The following LRP2 variants were observed in gnomAD, a reference collection of about 807,000 sequenced individuals.
LRP2 encodes LDL receptor related protein 2.
Under a neutral mutation model 531.0 loss-of-function variants are expected in LRP2, and 172 were observed. The ratio of observed to expected loss-of-function variants is 0.32; its 90% CI spans 0.29 to 0.37. LRP2 has a LOEUF of 0.37. LRP2 is among the 10% of genes least tolerant of loss of function. The pLI is 1.00. For missense variants in LRP2, 5,167 were observed against 5,868.3 expected, an observed-to-expected ratio of 0.88 and a Z score of 3.90; for synonymous variants, 1,992 against 2,027.6, an observed-to-expected ratio of 0.98 and a Z score of 0.47.
intron 65 of LRP2, among the ~76,000 whole-genome samples, chr2:169,155,182 A>G (rs1177062079): frequency 6.6e-6 from 1 of 152,184 alleles, no homozygotes; most frequent in Non-Finnish European, 1.5e-5. Flanking sequence ...CCCAAGATGC[A>G]CTGTCTAGAA....
In LRP2 at chr2:169,239,573, A is replaced by T; in HGVS notation, c.4248T>A (p.Asp1416Glu). 1 of 1,614,126 alleles carries T rather than the reference A, an allele frequency of 6.2e-7. No homozygotes were observed. Among genetic ancestry groups the T allele is most frequent in the Non-Finnish European group, 8.5e-7 (1 of 1,179,958 alleles). ...CATCACTTTCTAACATGTAGCCTGT[A>T]TCACACGAGCACCGGAAAGAACCTC... ...NMRGSFRCSCDTGYMLESDGR... is the reference protein window; with the variant it reads ...NMRGSFRCSCETGYMLESDGR... The change falls in exon 26 of 79, where the codon GAT (aspartate) becomes GAA (glutamate). Residue 1416 changes from aspartate to glutamate, a missense_variant. Around this residue, in one of 6 missense-constraint regions of LRP2, gnomAD observed 2,811 missense variants for 3,058.0 expected, o/e 0.92. Coordinates refer to ENST00000649046, the MANE Select transcript of LRP2 (RefSeq NM_004525.3).
chr2:169,237,962 T>C (rs1689665288), intron 27 of LRP2, 129 bp downstream of exon 27: 1 of 774,494 alleles, frequency 1.3e-6, no homozygotes, highest in Non-Finnish European at 2.3e-6. Context: ...CTCTTGGGTA[T>C]GATGTGGCCC....
In LRP2 at chr2:169,299,232, G is replaced by A. The variant is rs142586169; in HGVS notation, c.428-4522C>T. Among the ~76,000 whole-genome samples, 63 of 152,042 alleles carry A rather than the reference G, an allele frequency of 4.1e-4. 1 individual carries two copies. The South Asian group carries it at 6.7e-3, about 16-fold the overall frequency. ...AAGAGAAAGAAAATATGGTCATCCC[G>A]AGGACTTGTAGAATTGAACTAACAT... On this transcript the variant is annotated intron_variant, in intron 4 of 78. Coordinates refer to ENST00000649046, the MANE Select transcript of LRP2 (RefSeq NM_004525.3).
Position 169,210,751 on chromosome 2 carries a change from C to T in LRP2, c.6281-1110G>A, listed in dbSNP as rs117703285. The stretch of plus-strand genomic sequence containing the variant: ...CAGCTATATATAAAATATTGTGAGG[C>T]CAACTGGAGAAATATGATTATGAAT... On this transcript the variant is annotated intron_variant, in intron 37 of 78. Coordinates refer to ENST00000649046, the MANE Select transcript of LRP2 (RefSeq NM_004525.3). 5.1e-4 allele frequency among the ~76,000 whole-genome samples: 77 copies of T among 152,148 alleles called. 1 individual carries two copies. The East Asian group carries it at 0.011, about 23-fold the overall frequency.
intron 13 of LRP2, 107 bp from the exon 14 acceptor site, chr2:169,275,345 G>A (rs1040882189): frequency 1.0e-4 from 87 of 830,626 alleles, no homozygotes; most frequent in Non-Finnish European, 4.0e-6. Flanking sequence ...ATAATTTCTT[G>A]TCACAAATAC....
intron 37 of LRP2, 88 bp downstream of exon 37, chr2:169,211,880 C>T (rs1388272285): frequency 6.5e-7 from 1 of 1,529,304 alleles, no homozygotes. Flanking sequence ...GCACTGAATC[C>T]ACACATGAAG....
intron 4 of LRP2, 75 bp downstream of exon 4, chr2:169,307,206 A>C (rs1684443179): frequency 1.3e-5 from 13 of 991,170 alleles, no homozygotes; most frequent in Non-Finnish European, 1.5e-5. Flanking sequence ...CCATCAACAA[A>C]TCTAACAAAT....
intron 63 of LRP2, among the ~76,000 whole-genome samples, chr2:169,159,465 G>A (rs1310373242): frequency 6.6e-6 from 1 of 152,148 alleles, no homozygotes; most frequent in Non-Finnish European, 1.5e-5. Flanking sequence ...TTGGAGTGCA[G>A]ACTTCAAAGC....
At chr2:169,162,365 G>A (rs1686619415) in intron 63 of LRP2, 107 bp downstream of exon 63, 2 of 1,330,932 alleles carry the variant, frequency 1.5e-6, no homozygotes, top group Non-Finnish European at 2.1e-6. Context: ...CAAGCAAAAA[G>A]TACATTAAGG....
intron 28 of LRP2, 31 bp from the exon 29 acceptor site, chr2:169,236,099 G>T: frequency 6.9e-7 from 1 of 1,458,942 alleles, no homozygotes; most frequent in Non-Finnish European, 9.5e-7. Flanking sequence ...CCAATTGGAG[G>T]GGACGTATTT....
rs190683012 is a variant in LRP2, at chr2:169,234,101, A to T, written c.4921-513T>A. Reference sequence around the variant, plus strand: ...AAGTCACAGCAACTATACAATAGCAATTTTTTCTCTTTTTTAAATTGTTTT... The same window carrying T: ...AAGTCACAGCAACTATACAATAGCATTTTTTTCTCTTTTTTAAATTGTTTT... On this transcript the variant is annotated intron_variant, in intron 29 of 78. Coordinates refer to ENST00000649046, the MANE Select transcript of LRP2 (RefSeq NM_004525.3). 3.8e-3 allele frequency among the ~76,000 whole-genome samples: 574 copies of T among 152,058 alleles called. 13 individuals are homozygous for T. The highest frequency in any genetic ancestry group is 6.3e-4 in the Non-Finnish European group (43 of 67,964).
At position 169,169,688 on chromosome 2, in the gene LRP2, G is replaced by A. The variant is rs1686921989; in HGVS notation, c.11497+14C>T. On this transcript the variant is annotated intron_variant, in intron 60 of 78. Coordinates refer to ENST00000649046, the MANE Select transcript of LRP2 (RefSeq NM_004525.3). ...CTCAGGTAAGCAGTACTACATATGT[G>A]TCTAGGGACTTACGACAATCAGCTT... 6.2e-7 allele frequency: 1 copy of A among 1,604,354 alleles called. No homozygotes were observed. The highest frequency in any genetic ancestry group is 2.2e-5 in the East Asian group (1 of 44,828).
At chr2:169,230,692 A>G (rs868629113) in intron 31 of LRP2, among the ~76,000 whole-genome samples, 3 of 152,218 alleles carry the variant, frequency 2.0e-5, no homozygotes, top group Non-Finnish European at 2.9e-5. Context: ...GCAATAAGGA[A>G]TTATATTTTT....
Position 169,140,509 on chromosome 2 carries a change from C to T in LRP2, c.13145G>A (p.Arg4382Lys). The T allele has an allele frequency of 1.9e-6, 3 of 1,614,032 alleles. No homozygotes were observed. Among genetic ancestry groups the T allele is most frequent in the Non-Finnish European group, 2.5e-6 (3 of 1,179,940 alleles). Residue 4382 changes from arginine (R) to lysine (K), a missense_variant, in exon 72 of 79, where the codon AGG (arginine) becomes AAG (lysine). This residue lies in a region of LRP2 where 348 missense variants were observed against 369.3 expected (regional missense o/e 0.94). Coordinates refer to ENST00000649046, the MANE Select transcript of LRP2 (RefSeq NM_004525.3). ...ELPINLPPPC[R>K]CMHGGNCYFD... ...ATAGCAATTTCCTCCGTGCATGCAC[C>T]TGCATGGGGGGGGCAGGTTGATAGG...
Position 169,258,943 on chromosome 2 carries a change from C to A in LRP2, c.2513+82G>T, listed in dbSNP as rs533636242. 4.9e-6 allele frequency: 6 copies of A among 1,213,126 alleles called. No homozygotes were observed. The Admixed American group carries it at 8.4e-5, about 17-fold the overall frequency. 75.1% of individuals were successfully genotyped at this position (1,213,126 alleles called of 1,614,324 possible). A position where few individuals can be genotyped will look rare whatever the true frequency, so the allele number is the denominator to read the frequency against. ...TTCAATCTTATATTTGCTGAACTTACCTAAATCCCTAGGGCATCACTTTTC... is the reference window on the plus strand; with the variant it reads ...TTCAATCTTATATTTGCTGAACTTAACTAAATCCCTAGGGCATCACTTTTC... On this transcript the variant is annotated intron_variant, in intron 17 of 78. Coordinates refer to ENST00000649046, the MANE Select transcript of LRP2 (RefSeq NM_004525.3).
intron 44 of LRP2, among the ~76,000 whole-genome samples, chr2:169,199,977 GCA>G (rs1688140339): frequency 2.6e-5 from 4 of 152,298 alleles, no homozygotes; most frequent in South Asian, 2.1e-4. Context: ...CTGGCCGGGT[GCA>G]GTGGCTCACG....
intron 1 of LRP2, among the ~76,000 whole-genome samples, chr2:169,347,553 G>C (rs1215179869): frequency 1.3e-5 from 2 of 151,542 alleles, no homozygotes; most frequent in South Asian, 2.1e-4. Flanking sequence ...ATTAGGTAAG[G>C]GTCCTTTGAA....
chr2:169,239,447 T>G, intron 26 of LRP2, 80 bp downstream of exon 26: 1 of 1,611,526 alleles, frequency 6.2e-7, no homozygotes, highest in Non-Finnish European at 8.5e-7. Context: ...TAATCAACAT[T>G]GTCAAATACC....
chr2:169,295,924 T>C (rs1482703508), intron 4 of LRP2, among the ~76,000 whole-genome samples: 1 of 152,196 alleles, frequency 6.6e-6, no homozygotes, highest in East Asian at 1.9e-4. Context: ...GATTTCTTTT[T>C]AACCAAGGAA....
Sources: allele counts gnomAD v4.1 joint callset (sites outside exome capture counted in the v4.1 genomes callset), GRCh38; gene constraint gnomAD v4.1.1; regional missense constraint gnomAD v4.1.1; transcripts MANE v1.5; gene names NCBI Gene and HGNC (gene_info 2026-07-23, HGNC 2026-07-21).